Variants in PCDHGA11 observed in about 807,000 individuals in gnomAD.
PCDHGA11 encodes protocadherin gamma-A11.
PCDHGA11 carries 39 observed loss-of-function variants against 60.4 expected under a neutral mutation model. The ratio of observed to expected loss-of-function variants is 0.65; its 90% CI spans 0.50 to 0.84. The LOEUF (loss-of-function observed/expected upper bound fraction) is 0.84. Ranked by LOEUF, PCDHGA11 falls within the 40% of genes least tolerant of loss-of-function variation. The pLI is 0.00. For synonymous variants in PCDHGA11, 533 were observed against 510.3 expected (o/e 1.04, Z -0.60); for missense variants, 1,165 against 1,197.7 (o/e 0.97, Z 0.40).
chr5:141,479,574 T>A (rs1291334449), intron 1 of PCDHGA11: 1 of 152,228 alleles, frequency 6.6e-6, no homozygotes, highest in South Asian at 2.1e-4. Context: ...GGATGACATC[T>A]GTGAATAGCC....
chr5:141,486,345 A>C lies in PCDHGA11; in HGVS notation c.2434-8462A>C. On this transcript the variant is annotated intron_variant, in intron 1 of 3. Coordinates refer to ENST00000398587, the MANE Select transcript of PCDHGA11 (RefSeq NM_018914.3). This position sits in a 1 kb window ranked among gnomAD's most constrained non-coding sequence, Gnocchi z 5.0. Reference sequence around the variant, plus strand: ...GGAGATGTGAGCCTCCGCATTCCTGACCACTTGCCATTTGCCCTCAAGTCT... The same window carrying C: ...GGAGATGTGAGCCTCCGCATTCCTGCCCACTTGCCATTTGCCCTCAAGTCT... The C allele has an allele frequency of 6.2e-7, 1 of 1,613,940 alleles. No homozygotes were observed. The highest frequency in any genetic ancestry group is 8.5e-7 in the Non-Finnish European group (1 of 1,179,986).
rs1177173734 is a variant in PCDHGA11, at chr5:141,491,741, G to A, written c.2434-3066G>A. ...CCGCCCCGGGCGACCCCTGGGGGCG[G>A]CACTGGAGAAGCCGCCCGTCCTCAT... On this transcript the variant is annotated intron_variant, in intron 1 of 3. Coordinates refer to ENST00000398587, the MANE Select transcript of PCDHGA11 (RefSeq NM_018914.3). The surrounding 1 kb of genome is among the most constrained non-coding windows in gnomAD (Gnocchi z 6.9). 1.9e-6 allele frequency: 3 copies of A among 1,595,644 alleles called. No homozygotes were observed. In the South Asian group the frequency reaches 3.4e-5, roughly 18 times the overall value.
intron 1 of PCDHGA11, among the ~76,000 whole-genome samples, chr5:141,437,741 C>CTTT (rs35124340): frequency 4.2e-5 from 6 of 141,750 alleles, no homozygotes; most frequent in Admixed American, 7.0e-5. Flanking sequence ...TTGAGTTCAC[C>CTTT]TTTTTTTTTT....
At position 141,433,110 on chromosome 5, in the gene PCDHGA11, G is replaced by A. The variant is rs1031253372; in HGVS notation, c.2433+9450G>A. On this transcript the variant is annotated intron_variant, in intron 1 of 3. Coordinates refer to ENST00000398587, the MANE Select transcript of PCDHGA11 (RefSeq NM_018914.3). Reference sequence around the variant, plus strand: ...GCAGACATGCTCGTCAGCCAGGAGAGCTTTGAAAAAAGCGAGCCCCTTTTG... The same window carrying A: ...GCAGACATGCTCGTCAGCCAGGAGAACTTTGAAAAAAGCGAGCCCCTTTTG... 3.1e-6 allele frequency: 5 copies of A among 1,613,982 alleles called. No homozygotes were observed. The African/African-American group carries it at 5.3e-5, about 17-fold the overall frequency.
At chr5:141,495,591 C>G (rs2099762279) in intron 2 of PCDHGA11, among the ~76,000 whole-genome samples, 3 of 152,222 alleles carry the variant, frequency 2.0e-5, no homozygotes, top group African/African-American at 7.2e-5. Context: ...CCATCTCTGT[C>G]TTAGCTTCCG....
rs756146067 is a variant in PCDHGA11, at chr5:141,477,534, G to C, written c.2434-17273G>C. On this transcript the variant is annotated intron_variant, in intron 1 of 3. Transcript: ENST00000398587. This position sits in a 1 kb window ranked among gnomAD's most constrained non-coding sequence, Gnocchi z 4.9. ...TACATTGAAGAAAACAACCTCCCCG[G>C]GGCTCCAATACTAAACCTAAGTGTC... 1.9e-6 allele frequency: 3 copies of C among 1,614,008 alleles called. No homozygotes were observed. Among genetic ancestry groups the C allele is most frequent in the East Asian group, 4.5e-5 (2 of 44,870 alleles).
intron 1 of PCDHGA11, among the ~76,000 whole-genome samples, chr5:141,444,497 C>G (rs899746599): frequency 3.3e-5 from 5 of 152,026 alleles, no homozygotes; most frequent in African/African-American, 1.2e-4. Context: ...TTGTGTAATA[C>G]TTTGCTCTAG....
chr5:141,501,453 C>T (rs567794395), intron 2 of PCDHGA11, among the ~76,000 whole-genome samples: 1 of 152,094 alleles, frequency 6.6e-6, no homozygotes, highest in Non-Finnish European at 1.5e-5. Flanking sequence ...TTTTACTTTT[C>T]ACTATTCCCC....
Position 141,511,376 on chromosome 5 carries a change from G to C in PCDHGA11, c.*203G>C. ...CCAGGGGGTTGAATATGCAAAAGCA[G>C]TTCCGCTGGGAACCCCCATCCAATC... On this transcript the variant is annotated 3_prime_UTR_variant, in exon 4 of 4. Coordinates refer to ENST00000398587, the MANE Select transcript of PCDHGA11 (RefSeq NM_018914.3). 1 of 1,211,520 alleles carries C rather than the reference G, an allele frequency of 8.3e-7. No homozygotes were observed. The allele number at this position is 1,211,520 out of a possible 1,614,324, so 75.0% of individuals were successfully genotyped here.
chr5:141,437,719 TA>T (rs1316054877), intron 1 of PCDHGA11, among the ~76,000 whole-genome samples: 1 of 151,332 alleles, frequency 6.6e-6, no homozygotes, highest in African/African-American at 2.4e-5. Context: ...AGTTACCCTC[TA>T]ATGTTACACT....
Position 141,431,920 on chromosome 5 carries a change from A to C in PCDHGA11, c.2433+8260A>C. On this transcript the variant is annotated intron_variant, in intron 1 of 3. Transcript: ENST00000398587. The surrounding 1 kb of genome is among the most constrained non-coding windows in gnomAD (Gnocchi z 4.8). ...ACGGACAGGTGATCTGTTTCATCCA[A>C]GGAAATCTGCCCTTTAAATTAGAAA... 1 of 1,614,164 alleles carries C rather than the reference A, an allele frequency of 6.2e-7. No individual in the cohort carries two copies. Among genetic ancestry groups the C allele is most frequent in the Non-Finnish European group, 8.5e-7 (1 of 1,179,976 alleles).
chr5:141,489,692 G>A lies in PCDHGA11; in HGVS notation c.2434-5115G>A. 1.9e-6 allele frequency: 3 copies of A among 1,614,128 alleles called. No individual in the cohort carries two copies. The highest frequency in any genetic ancestry group is 1.7e-6 in the Non-Finnish European group (2 of 1,179,980). On this transcript the variant is annotated intron_variant, in intron 1 of 3. Coordinates refer to ENST00000398587, the MANE Select transcript of PCDHGA11 (RefSeq NM_018914.3). The surrounding 1 kb of genome is among the most constrained non-coding windows in gnomAD (Gnocchi z 4.5). The stretch of plus-strand genomic sequence containing the variant: ...TCAGAATCAGCAGCATCTGGGGCAC[G>A]ATTCCCACTGGACAGTGCCCAGGAT...
intron 1 of PCDHGA11, among the ~76,000 whole-genome samples, chr5:141,462,288 G>A (rs1239615759): frequency 3.9e-5 from 6 of 152,196 alleles, no homozygotes; most frequent in Non-Finnish European, 7.3e-5. Flanking sequence ...CACCAAATAT[G>A]TAAGTATTAC....
At chr5:141,473,988 G>T (rs1006988447) in intron 1 of PCDHGA11, among the ~76,000 whole-genome samples, 2 of 152,118 alleles carry the variant, frequency 1.3e-5, no homozygotes, top group Middle Eastern at 3.2e-3. Context: ...AGGATCCCTT[G>T]AGCCCAAGGA....
chr5:141,507,553 C>T (rs1382652977), intron 3 of PCDHGA11, among the ~76,000 whole-genome samples: 4 of 152,192 alleles, frequency 2.6e-5, no homozygotes, highest in Admixed American at 2.0e-4. Flanking sequence ...ATGAAAGTGG[C>T]AGGCGGCTGG....
intron 1 of PCDHGA11, among the ~76,000 whole-genome samples, chr5:141,447,644 G>A (rs1212910845): frequency 1.3e-5 from 2 of 152,146 alleles, no homozygotes; most frequent in Admixed American, 1.3e-4. Context: ...AATGATGGTA[G>A]AATTTTCCCC....
chr5:141,491,332 C>T lies in PCDHGA11; in HGVS notation c.2434-3475C>T, dbSNP rs1013118722. 2 of 1,614,072 alleles carry T rather than the reference C, an allele frequency of 1.2e-6. No individual in the cohort carries two copies. The highest frequency in any genetic ancestry group is 2.7e-5 in the African/African-American group (2 of 74,944). On this transcript the variant is annotated intron_variant, in intron 1 of 3. Coordinates refer to ENST00000398587, the MANE Select transcript of PCDHGA11 (RefSeq NM_018914.3). This position sits in a 1 kb window ranked among gnomAD's most constrained non-coding sequence, Gnocchi z 6.9. ...CCTTACCCTTTACCTCATTGTGGCT[C>T]TAGCGACCGTCAGTCTCTTATCCCT...
chr5:141,421,464 T>C lies in PCDHGA11; in HGVS notation c.237T>C (p.Asn79=). Residue 79 remains asparagine (N), a synonymous_variant, in exon 1 of 4, where the codon AAT becomes AAC. Coordinates refer to ENST00000398587, the MANE Select transcript of PCDHGA11 (RefSeq NM_018914.3). ...SRGKTQLFAV[N]PRSGSLITAG... is the part of the protein sequence containing the mutation. ...GGAAGACACAGCTTTTCGCTGTGAA[T>C]CCGCGAAGCGGCAGCTTGATCACGG... The C allele has an allele frequency of 6.2e-7, 1 of 1,614,090 alleles. No individual in the cohort carries two copies. The highest frequency in any genetic ancestry group is 8.5e-7 in the Non-Finnish European group (1 of 1,179,946).
At chr5:141,461,820 A>AT (rs1458631685) in intron 1 of PCDHGA11, among the ~76,000 whole-genome samples, 5 of 147,814 alleles carry the variant, frequency 3.4e-5, no homozygotes, top group African/African-American at 7.5e-5. Context: ...CACCCAGCTA[A>AT]TTTTTTTTTC....
Sources: gnomAD v4.1 joint callset for allele counts (sites outside exome capture counted in the v4.1 genomes callset) on GRCh38, gnomAD v4.1.1 for gene constraint, Gnocchi (gnomAD v3.1) non-coding constraint, MANE v1.5 for transcripts, NCBI Gene and HGNC (gene_info 2026-07-23, HGNC 2026-07-21) for gene names.